Variants in CSMD2 observed in about 807,000 individuals in gnomAD.
CSMD2 encodes the protein CUB and sushi domain-containing protein 2.
A neutral mutation model predicts 398.5 loss-of-function variants in CSMD2; 130 were observed. The observed-to-expected ratio is 0.33, with a 90% CI of 0.28 to 0.38. The LOEUF is 0.38. Among genes scored for constraint, CSMD2 ranks in the 10% least tolerant of loss-of-function variants. CSMD2 has a pLI of 1.00. For missense variants in CSMD2, 3,829 were observed against 4,764.9 expected (o/e 0.80, Z 5.78); for synonymous variants, 1,828 against 1,908.5 (o/e 0.96, Z 1.10).
intron 5 of CSMD2, among the ~76,000 whole-genome samples, chr1:33,868,054 T>C (rs555624414): frequency 6.6e-6 from 1 of 152,280 alleles, no homozygotes; most frequent in Non-Finnish European, 1.5e-5. Context: ...CTAATGACTG[T>C]AATGTAATGA....
intron 1 of CSMD2, among the ~76,000 whole-genome samples, chr1:34,092,858 C>T (rs1478590603): frequency 6.6e-6 from 1 of 152,130 alleles, no homozygotes; most frequent in Non-Finnish European, 1.5e-5. Flanking sequence ...CCCAGGCTTG[C>T]TTAGGTAAAC....
chr1:33,737,924 C>CT (rs1044899192), intron 15 of CSMD2, among the ~76,000 whole-genome samples: 3 of 151,940 alleles, frequency 2.0e-5, no homozygotes, highest in African/African-American at 7.3e-5. Context: ...ATTATCCCTC[C>CT]TTTTTTTTCC....
At chr1:33,526,962 G>A (rs1654832440) in intron 65 of CSMD2, among the ~76,000 whole-genome samples, 1 of 152,240 alleles carries the variant, frequency 6.6e-6, no homozygotes. Flanking sequence ...AGAGCTTCCA[G>A]TTGGAAGTTG....
At chr1:33,683,545 T>C (rs144150021) in intron 25 of CSMD2, among the ~76,000 whole-genome samples, 168 of 152,342 alleles carry the variant, frequency 1.1e-3, no homozygotes, top group Admixed American at 2.4e-3. Context: ...CTAAGAGATG[T>C]TGGAATTCAG....
At chr1:34,131,160 G>A (rs1000232949) in intron 1 of CSMD2, among the ~76,000 whole-genome samples, 1 of 152,104 alleles carries the variant, frequency 6.6e-6, no homozygotes, top group African/African-American at 2.4e-5. Flanking sequence ...CCCTGCAAGT[G>A]CATGCTCTCA....
chr1:34,135,395 T>C lies in CSMD2; in HGVS notation c.187+29516A>G, dbSNP rs1000561233. 9.3e-5 allele frequency among the ~76,000 whole-genome samples: 14 copies of C among 151,314 alleles called. No individual in the cohort carries two copies. In the South Asian group the frequency reaches 1.0e-3, roughly 11 times the overall value. On this transcript the variant is annotated intron_variant, in intron 1 of 70. Coordinates refer to ENST00000373381, the MANE Select transcript of CSMD2 (RefSeq NM_001281956.2). ...CAGCACTTTGGGAGGCCGAGGCGGGTGGATCATGAGGTCAACAGATCGAGA... is the reference window on the plus strand; with the variant it reads ...CAGCACTTTGGGAGGCCGAGGCGGGCGGATCATGAGGTCAACAGATCGAGA...
At chr1:34,125,507 CTGTGT>C (rs1662645033) in intron 1 of CSMD2, among the ~76,000 whole-genome samples, 1 of 141,110 alleles carries the variant, frequency 7.1e-6, no homozygotes, top group African/African-American at 2.7e-5. Context: ...TCAACCTTGG[CTGTGT>C]GTGTGTGTGT....
In CSMD2 at chr1:33,886,558, G is replaced by A. The variant is rs374821593; in HGVS notation, c.920+31536C>T. Among the ~76,000 whole-genome samples the A allele has an allele frequency of 1.2e-4, 18 of 152,304 alleles. No individual in the cohort carries two copies. The East Asian group carries it at 1.5e-3, about 13-fold the overall frequency. On this transcript the variant is annotated intron_variant, in intron 5 of 70. Transcript: ENST00000373381. Reference sequence around the variant, plus strand: ...GAAGCCCCCAGCCACTGTTTTCACCGGGAATGCTGAGTGCTGCTTGTTCCT... The same window carrying A: ...GAAGCCCCCAGCCACTGTTTTCACCAGGAATGCTGAGTGCTGCTTGTTCCT...
intron 12 of CSMD2, among the ~76,000 whole-genome samples, chr1:33,776,106 C>T (rs114101164): frequency 0.012 from 1,794 of 152,214 alleles, 16 homozygotes; most frequent in Non-Finnish European, 0.016. Context: ...GGCATATGGC[C>T]TGGGTGGGAG....
intron 1 of CSMD2, among the ~76,000 whole-genome samples, chr1:34,139,872 G>C (rs531597042): frequency 6.6e-6 from 1 of 152,274 alleles, no homozygotes; most frequent in East Asian, 1.9e-4. Flanking sequence ...GAGATTCATG[G>C]GTAAAGTGGC....
chr1:33,687,945 G>A (rs912485796), intron 25 of CSMD2, among the ~76,000 whole-genome samples: 2 of 152,168 alleles, frequency 1.3e-5, no homozygotes, highest in Non-Finnish European at 2.9e-5. Flanking sequence ...CCATCTAAGC[G>A]GTGAAGACTG....
intron 13 of CSMD2, among the ~76,000 whole-genome samples, chr1:33,757,825 C>G (rs1649252432): frequency 6.6e-6 from 1 of 152,212 alleles, no homozygotes; most frequent in South Asian, 2.1e-4. Context: ...TCTGTTGATT[C>G]TATCTCTTCA....
intron 3 of CSMD2, among the ~76,000 whole-genome samples, chr1:33,948,003 T>C (rs1169117027): frequency 6.6e-6 from 1 of 152,204 alleles, no homozygotes; most frequent in Non-Finnish European, 1.5e-5. Context: ...CTTTCTTAGC[T>C]GCTGTAGAAG....
At chr1:33,592,583 C>G in intron 44 of CSMD2, 1 of 696,376 alleles carries the variant, frequency 1.4e-6, no homozygotes, top group Non-Finnish European at 2.7e-6. Flanking sequence ...GGTTTTGGAT[C>G]TGCAATTCTC....
In CSMD2 at chr1:33,810,726, C is replaced by T. The variant is rs374376444; in HGVS notation, c.1446+17G>A. 28 of 1,611,654 alleles carry T rather than the reference C, an allele frequency of 1.7e-5. No individual in the cohort carries two copies. The African/African-American group carries it at 2.8e-4, about 16-fold the overall frequency. On this transcript the variant is annotated intron_variant, in intron 10 of 70. Coordinates refer to ENST00000373381, the MANE Select transcript of CSMD2 (RefSeq NM_001281956.2). ...GCCCTGCCCACAGAACACCACCCCG[C>T]TCCCCAAGAGGCTTACCTTGGAGGG...
At position 33,572,619 on chromosome 1, in the gene CSMD2, T is replaced by C; in HGVS notation, c.7649A>G (p.Lys2550Arg). Residue 2550 changes from lysine (K) to arginine (R), a missense_variant, in exon 50 of 71, where the codon AAG (lysine) becomes AGG (arginine). By Grantham distance (26) the Lys-to-Arg change is conservative. Around this residue, in one of 5 missense-constraint regions of CSMD2, gnomAD observed 723 missense variants for 758.6 expected, o/e 0.95. Transcript: ENST00000373381. ...GCCTTCACTGCAGCTGTACATGGCC[T>C]TGGTTCCCACTGTGTACTCCTTGCC... Reference protein sequence around the residue: ...VFGKEYTVGTKAMYSCSEGYH... With the variant: ...VFGKEYTVGTRAMYSCSEGYH... The C allele has an allele frequency of 6.2e-7, 1 of 1,614,074 alleles. No homozygotes were observed. Among genetic ancestry groups the C allele is most frequent in the Non-Finnish European group, 8.5e-7 (1 of 1,179,962 alleles).
rs1166277560 is a variant in CSMD2 at position 33,519,827 on chromosome 1, T to C, written c.10721A>G (p.Tyr3574Cys). Residue 3574 changes from tyrosine to cysteine, a missense_variant, in exon 69 of 71, where the codon TAT becomes TGT. Tyr to Cys is a radical substitution (Grantham distance 194). Around this residue, in one of 5 missense-constraint regions of CSMD2, gnomAD observed 917 missense variants for 1,199.5 expected, o/e 0.76. Transcript: ENST00000373381. This position sits in a 1 kb window ranked among gnomAD's most constrained non-coding sequence, Gnocchi z 5.6. ...IALIIAGFVL[Y>C]LYKHRRRPKV... ...TGCACGGTACCTGTGCTTGTAGAGA[T>C]AGAGCACGAAGCCCGCAATAATGAG... The C allele has an allele frequency of 6.2e-7, 1 of 1,613,564 alleles. No individual in the cohort carries two copies. Among genetic ancestry groups the C allele is most frequent in the African/African-American group, 1.3e-5 (1 of 74,828 alleles).
chr1:33,899,383 A>G lies in CSMD2; in HGVS notation c.920+18711T>C, dbSNP rs1642604398. On this transcript the variant is annotated intron_variant, in intron 5 of 70. Transcript: ENST00000373381. ...GGTCTCTTTCCAACCTCCAAAATCC[A>G]GAGGGGCAGAAAGAGCAGAGGTTGG... is the stretch of plus-strand genomic sequence containing the variant. Among the ~76,000 whole-genome samples the G allele has an allele frequency of 2.0e-5, 3 of 152,204 alleles. No individual in the cohort carries two copies. In the South Asian group the frequency reaches 6.2e-4, roughly 31 times the overall value.
intron 2 of CSMD2, among the ~76,000 whole-genome samples, chr1:34,079,659 G>A (rs1405345633): frequency 6.6e-6 from 1 of 152,046 alleles, no homozygotes; most frequent in Non-Finnish European, 1.5e-5. Flanking sequence ...CTACAAACAC[G>A]AAGAAAATTC....
Sources: gnomAD v4.1 joint callset for allele counts (sites outside exome capture counted in the v4.1 genomes callset) on GRCh38, gnomAD v4.1.1 for gene constraint, gnomAD v4.1.1 regional missense constraint, Gnocchi (gnomAD v3.1) non-coding constraint, MANE v1.5 for transcripts, NCBI Gene and HGNC (gene_info 2026-07-23, HGNC 2026-07-21) for gene names.